MED13L: variants seen among roughly 807,000 people sequenced by gnomAD.
MED13L encodes mediator complex subunit 13L.
MED13L carries 7 observed loss-of-function variants against 220.9 expected under a neutral mutation model. The observed-to-expected ratio is 0.03, with a 90% CI of 0.02 to 0.06. The LOEUF (loss-of-function observed/expected upper bound fraction) is 0.06. Ranked by LOEUF, MED13L falls within the 10% of genes least tolerant of loss-of-function variation. MED13L has a pLI of 1.00. For synonymous variants in MED13L, 1,011 were observed against 1,015.2 expected, an observed-to-expected ratio of 1.00 and a Z score of 0.08; for missense variants, 1,965 against 2,760.5, an observed-to-expected ratio of 0.71 and a Z score of 6.46.
intron 4 of MED13L, among the ~76,000 whole-genome samples, chr12:116,054,211 CAA>C (rs149953720): frequency 0.063 from 9,063 of 143,012 alleles, 359 homozygotes; most frequent in East Asian, 0.13. Flanking sequence ...CACACACACA[CAA>C]ACACACACAC....
Position 115,983,407 on chromosome 12 carries a change from A to C in MED13L, c.4665T>G (p.Ala1555=), listed in dbSNP as rs1877472355. 1.9e-6 allele frequency: 3 copies of C among 1,614,142 alleles called. No homozygotes were observed. The highest frequency in any genetic ancestry group is 1.6e-4 in the Middle Eastern group (1 of 6,062). ...AGPLAPNGSA[A]PPAGSAFNPT... ...GATTAAATGCACTGCCAGCTGGGGG[A>C]GCTGCTGATCCATTTGGAGCTAAGG... Residue 1555 remains alanine, a synonymous_variant, in exon 21 of 31, where the codon GCT becomes GCG. Transcript: ENST00000281928.
In MED13L at chr12:116,032,800, T is replaced by C. The variant is rs547053512; in HGVS notation, c.480-10199A>G. Among the ~76,000 whole-genome samples the C allele has an allele frequency of 1.4e-4, 21 of 152,244 alleles. No homozygotes were observed. In the East Asian group the frequency reaches 3.9e-3, roughly 28 times the overall value. On this transcript the variant is annotated intron_variant, in intron 4 of 30. Coordinates refer to ENST00000281928, the MANE Select transcript of MED13L (RefSeq NM_015335.5). ...GAGGTTCTGTGCACCTAAAAACAAT[T>C]TGCAAACTATAAGTCTCTCTCTACA...
At chr12:116,156,488 C>CTAG (rs1878452958) in intron 2 of MED13L, among the ~76,000 whole-genome samples, 1 of 150,852 alleles carries the variant, frequency 6.6e-6, no homozygotes, top group African/African-American at 2.4e-5. Context: ...ATTTCAAAGT[C>CTAG]TAGCATCAGT....
At position 115,987,296 on chromosome 12, in the gene MED13L, A is replaced by G; in HGVS notation, c.3935-8T>C. 1.2e-6 allele frequency: 2 copies of G among 1,611,016 alleles called. No homozygotes were observed. The highest frequency in any genetic ancestry group is 1.7e-6 in the Non-Finnish European group (2 of 1,179,192). The stretch of plus-strand genomic sequence containing the variant: ...GCATGCTGATGTCCAGCACTGGAAG[A>G]GAAGTGAGAAGAAACAGAGAAGATA... On this transcript the variant is annotated splice_polypyrimidine_tract_variant and splice_region_variant and intron_variant, in intron 17 of 30. Coordinates refer to ENST00000281928, the MANE Select transcript of MED13L (RefSeq NM_015335.5).
intron 5 of MED13L, among the ~76,000 whole-genome samples, chr12:116,020,336 A>G (rs781205423): frequency 6.6e-6 from 1 of 152,208 alleles, no homozygotes; most frequent in Non-Finnish European, 1.5e-5. Flanking sequence ...GTTATCAGAC[A>G]GCTATGCTTT....
In MED13L at chr12:115,968,065, C is replaced by A. The variant is rs904926548; in HGVS notation, c.6225+875G>T. Among the ~76,000 whole-genome samples the A allele has an allele frequency of 3.5e-4, 48 of 138,408 alleles. 2 individuals are homozygous for A. In the East Asian group the frequency reaches 8.9e-3, roughly 26 times the overall value. 90.8% of individuals were successfully genotyped at this position (138,408 alleles called of 152,430 possible). On this transcript the variant is annotated intron_variant, in intron 28 of 30. Transcript: ENST00000281928. ...CTGGGAATAAAAGTCCCCCCCCCCC[C>A]CCGATGAAAACTGAAGTCCTTTATG...
chr12:116,100,251 A>G (rs1593043413), intron 3 of MED13L, among the ~76,000 whole-genome samples: 1 of 152,126 alleles, frequency 6.6e-6, no homozygotes, highest in African/African-American at 2.4e-5. Context: ...TAGCCTATAT[A>G]GAGGCACAAA....
At chr12:116,005,773 A>T in intron 13 of MED13L, 96 bp downstream of exon 13, 1 of 1,504,526 alleles carries the variant, frequency 6.6e-7, no homozygotes, top group East Asian at 2.3e-5. Flanking sequence ...AGAGCCCCCA[A>T]ATTCAGGACA....
chr12:116,013,567 AAACACTTCCGGTCCCACGAACTTTGAGT>A (rs1313920015), intron 8 of MED13L, among the ~76,000 whole-genome samples: 3 of 152,218 alleles, frequency 2.0e-5, no homozygotes, highest in African/African-American at 7.2e-5. Context: ...CTGAAATCCC[AAACACTTCCGGTCCCACGAACTTTGAGT>A]AAGATACTCA....
chr12:116,067,719 C>G (rs184463770), intron 4 of MED13L, among the ~76,000 whole-genome samples: 18 of 152,240 alleles, frequency 1.2e-4, no homozygotes, highest in Admixed American at 1.1e-3. Context: ...TGTGGCATGG[C>G]TATCTATGCC....
At chr12:116,258,367 G>A (rs1872225121) in intron 1 of MED13L, among the ~76,000 whole-genome samples, 1 of 152,148 alleles carries the variant, frequency 6.6e-6, no homozygotes, top group Non-Finnish European at 1.5e-5. Flanking sequence ...GTTAAGCAGT[G>A]CACGCCTGCA....
chr12:116,269,129 G>A, intron 1 of MED13L, among the ~76,000 whole-genome samples: 1 of 152,042 alleles, frequency 6.6e-6, no homozygotes, highest in East Asian at 1.9e-4. Context: ...CACAATCTCG[G>A]CTCACCGCAA....
At chr12:116,193,113 A>G (rs1444298502) in intron 2 of MED13L, among the ~76,000 whole-genome samples, 1 of 152,122 alleles carries the variant, frequency 6.6e-6, no homozygotes, top group Non-Finnish European at 1.5e-5. Context: ...TGGGCAACAG[A>G]GCAAGACGCC....
At chr12:116,144,144 T>G (rs967920595) in intron 2 of MED13L, among the ~76,000 whole-genome samples, 6 of 152,178 alleles carry the variant, frequency 3.9e-5, no homozygotes, top group Non-Finnish European at 8.8e-5. Context: ...CCCCAACAGC[T>G]TAACTCACAG....
chr12:116,039,009 T>C (rs920021044), intron 4 of MED13L, among the ~76,000 whole-genome samples: 2 of 152,178 alleles, frequency 1.3e-5, no homozygotes, highest in Admixed American at 6.5e-5. Flanking sequence ...GTTCGTATTC[T>C]TCCCCCCACA....
intron 4 of MED13L, among the ~76,000 whole-genome samples, chr12:116,083,404 GAAAAAAAAAAAA>G (rs61301423): frequency 6.3e-5 from 5 of 79,360 alleles, no homozygotes; most frequent in Admixed American, 1.6e-4. Flanking sequence ...TGTCTCGAGG[GAAAAAAAAAAAA>G]AAAAAAAAAA....
intron 2 of MED13L, among the ~76,000 whole-genome samples, chr12:116,129,520 A>T (rs1565891443): frequency 6.6e-6 from 1 of 152,152 alleles, no homozygotes; most frequent in Admixed American, 6.5e-5. Flanking sequence ...ACACACAGAC[A>T]CTAATTTGGG....
intron 2 of MED13L, among the ~76,000 whole-genome samples, chr12:116,237,244 C>T (rs1408003715): frequency 6.6e-6 from 1 of 151,946 alleles, no homozygotes; most frequent in African/African-American, 2.4e-5. Context: ...TTAACAGCAG[C>T]GGTTCACAAG....
At chr12:116,217,558 G>A (rs954457822) in intron 2 of MED13L, among the ~76,000 whole-genome samples, 2 of 152,076 alleles carry the variant, frequency 1.3e-5, no homozygotes, top group African/African-American at 4.8e-5. Context: ...TTAAACAAGA[G>A]AAACAAACTG....
Sources: allele counts gnomAD v4.1 joint callset (sites outside exome capture counted in the v4.1 genomes callset), GRCh38; gene constraint gnomAD v4.1.1; transcripts MANE v1.5; gene names NCBI Gene and HGNC (gene_info 2026-07-23, HGNC 2026-07-21).